Variants in VPS8 observed in about 807,000 individuals in gnomAD.
VPS8 encodes vacuolar protein sorting-associated protein 8 homolog.
A neutral mutation model predicts 216.4 loss-of-function variants in VPS8; 129 were observed. That is an observed-to-expected ratio of 0.60 (90% CI 0.52 to 0.69). The LOEUF (loss-of-function observed/expected upper bound fraction) is 0.69, where lower values mean the gene tolerates loss of function less well. Among genes scored for constraint, VPS8 ranks in the 30% least tolerant of loss-of-function variants. VPS8 has a pLI of 0.00. For synonymous variants in VPS8, 571 were observed against 565.4 expected (o/e 1.01, Z -0.14); for missense variants, 1,531 against 1,683.5 (o/e 0.91, Z 1.59).
intron 25 of VPS8, among the ~76,000 whole-genome samples, chr3:184,910,312 C>CT (rs1736266427): frequency 6.6e-6 from 1 of 152,078 alleles, no homozygotes; most frequent in Non-Finnish European, 1.5e-5. Context: ...TCACGTTTCC[C>CT]TTGCCAGAAA....
At chr3:185,019,386 G>C (rs1756313478) in intron 45 of VPS8, among the ~76,000 whole-genome samples, 11 of 152,172 alleles carry the variant, frequency 7.2e-5, no homozygotes, top group Admixed American at 7.2e-4. Context: ...AGTGTGTGGA[G>C]TGGAAAATCA....
intron 36 of VPS8, among the ~76,000 whole-genome samples, chr3:184,944,024 C>T (rs769578164): frequency 6.2e-5 from 9 of 145,010 alleles, no homozygotes; most frequent in Admixed American, 4.2e-4. Context: ...ATTGCTTGAA[C>T]CTGGGAGGCA....
chr3:185,040,641 TACTC>T (rs1759496272), intron 46 of VPS8, among the ~76,000 whole-genome samples: 1 of 152,126 alleles, frequency 6.6e-6, no homozygotes, highest in Non-Finnish European at 1.5e-5. Flanking sequence ...TCATCTTCCT[TACTC>T]TACATTCTGT....
chr3:184,868,044 G>A lies in VPS8; in HGVS notation c.1491G>A (p.Leu497=). The A allele has an allele frequency of 1.2e-6, 2 of 1,612,998 alleles. No individual in the cohort carries two copies. Among genetic ancestry groups the A allele is most frequent in the Non-Finnish European group, 1.7e-6 (2 of 1,179,692 alleles). The change falls in exon 18 of 48, where the codon CTG becomes CTA. Residue 497 remains leucine, a synonymous_variant. Transcript: ENST00000625842. ...LGTKSVYVMM[L]RSWRERVDHL... The stretch of plus-strand genomic sequence containing the variant: ...TCCAGTCTGTTTATGTGATGATGCT[G>A]AGGAGCTGGAGAGAGGTGAGTTCCA...
chr3:184,957,338 A>G (rs1745773578), intron 36 of VPS8, 36 bp from the exon 37 acceptor site: 9 of 1,573,436 alleles, frequency 5.7e-6, no homozygotes, highest in African/African-American at 1.4e-5. Context: ...AAATAATGCT[A>G]CAATTGAGTG....
chr3:184,915,453 A>G lies in VPS8; in HGVS notation c.2361A>G (p.Glu787=), dbSNP rs1163667543. The G allele has an allele frequency of 6.2e-7, 1 of 1,613,778 alleles. No individual in the cohort carries two copies. The highest frequency in any genetic ancestry group is 1.7e-5 in the Admixed American group (1 of 60,024). Residue 787 remains glutamate (E), a synonymous_variant, in exon 28 of 48, where the codon GAA becomes GAG. Coordinates refer to ENST00000625842, the MANE Select transcript of VPS8 (RefSeq NM_001009921.3). ...CTTTGCTACATTTTGACACAAGAGA[A>G]TTTCTAAATGTATTGGCACTGGTAA... The part of the protein sequence containing the change: ...IRTLLHFDTR[E]FLNVLALTFE...
chr3:185,019,690 A>G (rs1430579458), intron 45 of VPS8, among the ~76,000 whole-genome samples: 1 of 152,224 alleles, frequency 6.6e-6, no homozygotes, highest in Non-Finnish European at 1.5e-5. Context: ...TGGTAAACCC[A>G]CAACCTTCCA....
intron 8 of VPS8, among the ~76,000 whole-genome samples, chr3:184,848,564 C>CTTTTTTTTTTTTTTTTTTTTTTTTT (rs35715889): frequency 1.1e-5 from 1 of 87,204 alleles, no homozygotes; most frequent in Non-Finnish European, 2.2e-5. Context: ...TTCCTGTATT[C>CTTTTTTTTTTTTTTTTTTTTTTTTT]TTTTTTTTTT....
At chr3:185,002,392 A>T (rs1183667549) in intron 45 of VPS8, among the ~76,000 whole-genome samples, 5 of 152,154 alleles carry the variant, frequency 3.3e-5, no homozygotes, top group Non-Finnish European at 1.5e-5. Context: ...TGTTCACTGA[A>T]TTTCTTCCTA....
chr3:184,878,747 C>G (rs1312450104), intron 21 of VPS8, among the ~76,000 whole-genome samples: 1 of 152,014 alleles, frequency 6.6e-6, no homozygotes, highest in East Asian at 1.9e-4. Flanking sequence ...TATCATCATA[C>G]CTGAAAGAAG....
chr3:184,884,959 A>C (rs1730942323), intron 21 of VPS8, among the ~76,000 whole-genome samples: 1 of 152,172 alleles, frequency 6.6e-6, no homozygotes, highest in Non-Finnish European at 1.5e-5. Flanking sequence ...TACCTAGCCC[A>C]CTGTATTCTC....
At chr3:184,866,058 A>G (rs115460978) in intron 16 of VPS8, among the ~76,000 whole-genome samples, 2,085 of 152,280 alleles carry the variant, frequency 0.014, 45 homozygotes, top group African/African-American at 0.047. Context: ...GTGTGTTTCC[A>G]AAAGAGTTGA....
At position 184,824,738 on chromosome 3, in the gene VPS8, T is replaced by C; in HGVS notation, c.106T>C (p.Phe36Leu). 6.2e-7 allele frequency: 1 copy of C among 1,613,618 alleles called. No homozygotes were observed. Among genetic ancestry groups the C allele is most frequent in the South Asian group, 1.1e-5 (1 of 91,020 alleles). The change falls in exon 2 of 48, where the codon TTC (phenylalanine) becomes CTC (leucine). Residue 36 changes from phenylalanine (F) to leucine (L), a missense_variant. By Grantham distance (22) the Phe-to-Leu change is conservative. Coordinates refer to ENST00000625842, the MANE Select transcript of VPS8 (RefSeq NM_001009921.3). ...CAATCTAGAAGCTTCACTTTCAAAATTCTCTTACATAGATATGGACAAGGA... is the reference window on the plus strand; with the variant it reads ...CAATCTAGAAGCTTCACTTTCAAAACTCTCTTACATAGATATGGACAAGGA... The part of the protein sequence containing the change: ...SFNLEASLSK[F>L]SYIDMDKELE...
chr3:185,014,065 T>G, intron 45 of VPS8, among the ~76,000 whole-genome samples: 1 of 152,202 alleles, frequency 6.6e-6, no homozygotes, highest in East Asian at 1.9e-4. Flanking sequence ...TGTAACTGTG[T>G]CATAGAGTGA....
chr3:185,038,442 G>C (rs1561229975), intron 46 of VPS8, among the ~76,000 whole-genome samples: 1 of 152,172 alleles, frequency 6.6e-6, no homozygotes, highest in South Asian at 2.1e-4. Flanking sequence ...TATTTCTTCT[G>C]ACCTCACAAG....
chr3:184,997,226 A>G (rs1234698171), intron 44 of VPS8, among the ~76,000 whole-genome samples: 3 of 152,220 alleles, frequency 2.0e-5, no homozygotes, highest in African/African-American at 4.8e-5. Context: ...TCTAGAATGT[A>G]TGGATAGAGG....
chr3:184,978,572 T>C (rs1299491576), intron 40 of VPS8, among the ~76,000 whole-genome samples: 1 of 152,032 alleles, frequency 6.6e-6, no homozygotes, highest in African/African-American at 2.4e-5. Context: ...TGCTAACTTT[T>C]GTGTTTTTGT....
At chr3:184,869,134 G>T in intron 19 of VPS8, 98 bp downstream of exon 19, 1 of 1,138,264 alleles carries the variant, frequency 8.8e-7, no homozygotes, top group Non-Finnish European at 1.3e-6. Flanking sequence ...GCTGAGTGTC[G>T]AAGTGTTTAT....
At chr3:184,899,438 A>G (rs958290191) in intron 24 of VPS8, among the ~76,000 whole-genome samples, 2 of 152,242 alleles carry the variant, frequency 1.3e-5, no homozygotes, top group Non-Finnish European at 2.9e-5. Flanking sequence ...AGGCTTCTTT[A>G]AGCACATTCA....
Sources: allele counts gnomAD v4.1 joint callset (sites outside exome capture counted in the v4.1 genomes callset), GRCh38; gene constraint gnomAD v4.1.1; transcripts MANE v1.5; gene names NCBI Gene and HGNC (gene_info 2026-07-23, HGNC 2026-07-21).